CFAP36: variants seen among roughly 807,000 people sequenced by gnomAD.
CFAP36 encodes cilia- and flagella-associated protein 36.
A neutral mutation model predicts 50.5 loss-of-function variants in CFAP36; 37 were observed. That is an observed-to-expected ratio of 0.73 (90% CI 0.56 to 0.96). The LOEUF is 0.96. Among genes scored for constraint, CFAP36 ranks in the 50% least tolerant of loss-of-function variants. The probability of loss-of-function intolerance (pLI) is 0.00; values close to 1 mark genes in which losing one functional copy is unlikely to be tolerated. For missense variants in CFAP36, 407 were observed against 396.2 expected (o/e 1.03, Z -0.23); for synonymous variants, 138 against 128.2 (o/e 1.08, Z -0.52).
intron 7 of CFAP36, among the ~76,000 whole-genome samples, chr2:55,542,715 C>A (rs116820906): frequency 0.022 from 3,311 of 152,236 alleles, 49 homozygotes; most frequent in Middle Eastern, 0.13. Flanking sequence ...TGTATGGGTT[C>A]CCCCCTCCTC....
In CFAP36 at chr2:55,545,045, T is replaced by G; in HGVS notation, c.*37T>G. ...AATTTAACAAAATGGAAGTTCAAAT[T>G]GTCTTAAAAATAAATTATTTAGTCC... On this transcript the variant is annotated 3_prime_UTR_variant, in exon 10 of 10. Transcript: ENST00000349456. 1 of 1,254,916 alleles carries G rather than the reference T, an allele frequency of 8.0e-7. No individual in the cohort carries two copies. Among genetic ancestry groups the G allele is most frequent in the South Asian group, 1.4e-5 (1 of 72,560 alleles). 77.7% of individuals were successfully genotyped at this position (1,254,916 alleles called of 1,614,324 possible). A position where few individuals can be genotyped will look rare whatever the true frequency, so the allele number is the denominator to read the frequency against.
At chr2:55,533,142 A>G (rs1031516075) in intron 4 of CFAP36, among the ~76,000 whole-genome samples, 1 of 152,250 alleles carries the variant, frequency 6.6e-6, no homozygotes, top group African/African-American at 2.4e-5. Context: ...TATTTCAATT[A>G]GCAAAATTAT....
chr2:55,534,696 T>A (rs1684436986), intron 5 of CFAP36, among the ~76,000 whole-genome samples: 1 of 152,212 alleles, frequency 6.6e-6, no homozygotes, highest in Non-Finnish European at 1.5e-5. Flanking sequence ...CAGTGTCACT[T>A]GCAGACTGTG....
chr2:55,522,629 G>T (rs775414192), intron 2 of CFAP36, among the ~76,000 whole-genome samples: 4 of 152,144 alleles, frequency 2.6e-5, no homozygotes, highest in Non-Finnish European at 5.9e-5. Context: ...GGGACTACAG[G>T]TGTGCACCAC....
chr2:55,535,545 T>C (rs1684458293), intron 5 of CFAP36, among the ~76,000 whole-genome samples, 167 bp from the exon 6 acceptor site: 1 of 152,234 alleles, frequency 6.6e-6, no homozygotes, highest in African/African-American at 2.4e-5. Flanking sequence ...ATGTATGTCT[T>C]TCCCAGTTGA....
In CFAP36 at chr2:55,537,531, G is replaced by A. The variant is rs745819099; in HGVS notation, c.586G>A (p.Ala196Thr). The A allele has an allele frequency of 3.7e-6, 6 of 1,613,642 alleles. No homozygotes were observed. Among genetic ancestry groups the A allele is most frequent in the Admixed American group, 1.7e-5 (1 of 59,960 alleles). ...EEPTVHSSEA[A>T]IMNNSQGDGE... ...GCCCACAGTGCATTCCAGTGAAGCT[G>A]CAATAATGAATAATTCCCAAGGGGA... Residue 196 changes from alanine (A) to threonine (T), a missense_variant, in exon 7 of 10, where the codon GCA becomes ACA. Ala to Thr is a moderately conservative substitution (Grantham distance 58). Transcript: ENST00000349456.
At chr2:55,542,985 G>A (rs1684676870) in intron 7 of CFAP36, among the ~76,000 whole-genome samples, 1 of 152,090 alleles carries the variant, frequency 6.6e-6, no homozygotes, top group African/African-American at 2.4e-5. Flanking sequence ...TCTGGTCACT[G>A]CTAGAGGAGT....
At chr2:55,535,347 A>T (rs1308562998) in intron 5 of CFAP36, among the ~76,000 whole-genome samples, 5 of 152,214 alleles carry the variant, frequency 3.3e-5, no homozygotes, top group African/African-American at 4.8e-5. Flanking sequence ...AATGGCTCTT[A>T]TCAAGAGGGG....
At chr2:55,535,967 T>G (rs1289819180) in intron 6 of CFAP36, 10 of 1,045,130 alleles carry the variant, frequency 9.6e-6, no homozygotes, top group Non-Finnish European at 1.3e-5. Context: ...TAGTACTATA[T>G]ATACTTAACT....
chr2:55,540,733 G>T (rs997670814), intron 7 of CFAP36, among the ~76,000 whole-genome samples: 19 of 152,130 alleles, frequency 1.2e-4, no homozygotes, highest in African/African-American at 4.6e-4. Flanking sequence ...GGAATAGGCC[G>T]GGCATGGTGG....
chr2:55,529,574 G>T (rs550578439), intron 4 of CFAP36, among the ~76,000 whole-genome samples: 26 of 151,968 alleles, frequency 1.7e-4, no homozygotes, highest in African/African-American at 6.3e-4. Flanking sequence ...GGTCATAGTT[G>T]TGGTTACTGT....
At chr2:55,533,290 G>A (rs2103652353) in intron 4 of CFAP36, among the ~76,000 whole-genome samples, 1 of 152,190 alleles carries the variant, frequency 6.6e-6, no homozygotes, top group Middle Eastern at 3.4e-3. Flanking sequence ...ACAAATTTTT[G>A]TTGCCATACA....
At chr2:55,530,948 A>G (rs765288406) in intron 4 of CFAP36, 11 of 152,214 alleles carry the variant, frequency 7.2e-5, no homozygotes, top group Non-Finnish European at 1.5e-4. Flanking sequence ...CATGGCAAAC[A>G]TGAGAATTTT....
intron 2 of CFAP36, among the ~76,000 whole-genome samples, chr2:55,523,113 AAAG>A (rs1684115560): frequency 6.9e-6 from 1 of 145,280 alleles, no homozygotes; most frequent in East Asian, 2.0e-4. Context: ...AAAAAAAAAG[AAAG>A]AAAGAAAGAA....
chr2:55,538,671 G>C (rs569422322), intron 7 of CFAP36: 1 of 1,013,842 alleles, frequency 9.9e-7, no homozygotes, highest in African/African-American at 1.7e-5. Flanking sequence ...TCAAACTCCT[G>C]GCCTCAAGTG....
chr2:55,541,238 C>T (rs1301375674), intron 7 of CFAP36, among the ~76,000 whole-genome samples: 2 of 152,034 alleles, frequency 1.3e-5, no homozygotes, highest in Admixed American at 6.6e-5. Flanking sequence ...GCAGGAGAAT[C>T]GCTTGAACCC....
intron 3 of CFAP36, among the ~76,000 whole-genome samples, chr2:55,528,278 A>G (rs1402435300): frequency 6.6e-6 from 1 of 151,886 alleles, no homozygotes; most frequent in Non-Finnish European, 1.5e-5. Context: ...ATTGCTGATC[A>G]TCTTTCTTGT....
chr2:55,529,454 T>G (rs1684299069), intron 4 of CFAP36, among the ~76,000 whole-genome samples: 1 of 152,046 alleles, frequency 6.6e-6, no homozygotes, highest in Non-Finnish European at 1.5e-5. Context: ...CTTCCTGATT[T>G]GTATTTGACA....
At chr2:55,541,979 T>C (rs1336361618) in intron 7 of CFAP36, among the ~76,000 whole-genome samples, 1 of 23,584 alleles carries the variant, frequency 4.2e-5, no homozygotes, top group East Asian at 2.6e-4. Context: ...TCTGTGAAGT[T>C]ACCTTGCTTC....
Sources: gnomAD v4.1 joint callset for allele counts (sites outside exome capture counted in the v4.1 genomes callset) on GRCh38, gnomAD v4.1.1 for gene constraint, MANE v1.5 for transcripts, NCBI Gene and HGNC (gene_info 2026-07-23, HGNC 2026-07-21) for gene names.